The following CALD1 variants were observed in gnomAD, a reference collection of about 807,000 sequenced individuals.
CALD1 encodes the protein caldesmon 1, also known as caldesmon.
Under a neutral mutation model 99.9 loss-of-function variants are expected in CALD1, and 33 were observed. The observed-to-expected ratio is 0.33, with a 90% CI of 0.25 to 0.44. The LOEUF is 0.44. CALD1 is among the 20% of genes least tolerant of loss of function. The pLI is 1.00. For missense variants in CALD1, 861 were observed against 962.1 expected (o/e 0.89, Z 1.39); for synonymous variants, 310 against 325.0 (o/e 0.95, Z 0.50).
intron 3 of CALD1, among the ~76,000 whole-genome samples, chr7:134,924,151 G>A (rs1157871293): frequency 6.6e-6 from 1 of 152,138 alleles, no homozygotes; most frequent in African/African-American, 2.4e-5. Context: ...GAAATGATAT[G>A]TATGACATAA....
intron 1 of CALD1, among the ~76,000 whole-genome samples, chr7:134,770,340 C>T (rs1046658665): frequency 5.9e-5 from 9 of 152,196 alleles, no homozygotes; most frequent in African/African-American, 2.2e-4. Context: ...TTACCACAAA[C>T]TGGGTGACTT....
the CALD1 span, chr7:134,735,143 G>A: frequency 0.66 from 101,966 of 154,174 alleles, 34,255 homozygotes; most frequent in East Asian, 0.89. Context: ...TACACTTTGT[G>A]CCATCCAAGA....
the CALD1 span, among the ~76,000 whole-genome samples, chr7:134,722,261 T>C: frequency 3.3e-5 from 5 of 152,142 alleles, no homozygotes; most frequent in East Asian, 9.6e-4. Flanking sequence ...AAGTTTCTCT[T>C]CTCTTTGCCA....
chr7:134,891,710 CTTT>C, intron 3 of CALD1: 9 of 970,630 alleles, frequency 9.3e-6, no homozygotes, highest in Admixed American at 4.2e-5. Context: ...TTTTTCCTTT[CTTT>C]TTTTTTTTTA....
chr7:134,876,747 G>A (rs1186165395), intron 3 of CALD1, among the ~76,000 whole-genome samples: 1 of 152,214 alleles, frequency 6.6e-6, no homozygotes, highest in African/African-American at 2.4e-5. Context: ...ACTAAGTTAT[G>A]TAGGATTTCT....
intron 3 of CALD1, among the ~76,000 whole-genome samples, chr7:134,892,698 C>A (rs1483775617): frequency 2.0e-5 from 3 of 152,154 alleles, no homozygotes; most frequent in Non-Finnish European, 4.4e-5. Context: ...TAGACGTTAT[C>A]TGTATAGTCC....
At chr7:134,720,708 TGAAATGTAGCA>T in the CALD1 span, among the ~76,000 whole-genome samples, 1 of 152,162 alleles carries the variant, frequency 6.6e-6, no homozygotes, top group East Asian at 1.9e-4. Flanking sequence ...AGGACCCACA[TGAAATGTAGCA>T]GTTGGTCAAT....
chr7:134,762,790 A>G (rs1796790474), intron 1 of CALD1, among the ~76,000 whole-genome samples: 2 of 152,140 alleles, frequency 1.3e-5, no homozygotes, highest in Admixed American at 1.3e-4. Flanking sequence ...ACCTCCCACC[A>G]GGCCCCACCT....
At chr7:134,917,348 A>C (rs1296118800) in intron 3 of CALD1, among the ~76,000 whole-genome samples, 1 of 152,118 alleles carries the variant, frequency 6.6e-6, no homozygotes. Context: ...TTTATTTAAA[A>C]AAAATTTTTA....
chr7:134,734,746 C>T, the CALD1 span, among the ~76,000 whole-genome samples: 2 of 152,174 alleles, frequency 1.3e-5, no homozygotes, highest in Non-Finnish European at 2.9e-5. Context: ...TGTGACTTTG[C>T]TCCTCCTTTG....
chr7:134,937,715 G>A (rs962401945), intron 6 of CALD1, among the ~76,000 whole-genome samples: 1 of 151,576 alleles, frequency 6.6e-6, no homozygotes, highest in Non-Finnish European at 1.5e-5. Context: ...ATAGGATAGG[G>A]CAACCACAAG....
At chr7:134,911,110 T>C (rs780904625) in intron 3 of CALD1, among the ~76,000 whole-genome samples, 13 of 152,188 alleles carry the variant, frequency 8.5e-5, no homozygotes, top group Non-Finnish European at 1.9e-4. Flanking sequence ...GCCTAGCTTT[T>C]AGTAGGCTGC....
At chr7:134,916,746 C>T (rs1804235005) in intron 3 of CALD1, among the ~76,000 whole-genome samples, 1 of 152,162 alleles carries the variant, frequency 6.6e-6, no homozygotes, top group African/African-American at 2.4e-5. Flanking sequence ...TGTCTTTTGT[C>T]AGATGTTTAC....
chr7:134,880,516 CT>C (rs1801547439), intron 3 of CALD1, among the ~76,000 whole-genome samples: 1 of 152,212 alleles, frequency 6.6e-6, no homozygotes, highest in South Asian at 2.1e-4. Context: ...CACACTGCAT[CT>C]TTCCCAAGGC....
At chr7:134,768,352 C>T (rs924185760) in intron 1 of CALD1, among the ~76,000 whole-genome samples, 2 of 152,218 alleles carry the variant, frequency 1.3e-5, no homozygotes, top group African/African-American at 4.8e-5. Context: ...CTCATTTCAT[C>T]TGCACCCTAC....
chr7:134,774,064 G>A (rs1796898754), intron 1 of CALD1, among the ~76,000 whole-genome samples: 1 of 152,052 alleles, frequency 6.6e-6, no homozygotes, highest in African/African-American at 2.4e-5. Flanking sequence ...CAGCTACTTG[G>A]GAGGGTGAGG....
At chr7:134,749,374 T>C (rs569971217) in intron 1 of CALD1, among the ~76,000 whole-genome samples, 171 of 152,204 alleles carry the variant, frequency 1.1e-3, no homozygotes, top group African/African-American at 3.9e-3. Context: ...AATTCCAGCA[T>C]TTTGGGAGGC....
chr7:134,749,744 C>T (rs765675261), intron 1 of CALD1, among the ~76,000 whole-genome samples: 18 of 152,082 alleles, frequency 1.2e-4, no homozygotes, highest in Non-Finnish European at 2.1e-4. Context: ...AATTCTGTTT[C>T]GCCAAAACTA....
At chr7:134,747,147 G>C (rs1404602884) in intron 1 of CALD1, among the ~76,000 whole-genome samples, 2 of 152,192 alleles carry the variant, frequency 1.3e-5, no homozygotes, top group African/African-American at 4.8e-5. Flanking sequence ...ATGGAAGCCA[G>C]GTGCTATTAA....
Sources: gnomAD v4.1 joint callset for allele counts (sites outside exome capture counted in the v4.1 genomes callset) on GRCh38, gnomAD v4.1.1 for gene constraint, MANE v1.5 for transcripts, NCBI Gene and HGNC (gene_info 2026-07-23, HGNC 2026-07-21) for gene names.